Variants in MAGT1 observed in about 807,000 individuals in gnomAD.
MAGT1 encodes magnesium transporter 1.
MAGT1 carries 4 observed loss-of-function variants against 28.4 expected under a neutral mutation model. The ratio of observed to expected loss-of-function variants is 0.14; its 90% CI spans 0.07 to 0.32. The LOEUF (loss-of-function observed/expected upper bound fraction) is 0.32. MAGT1 is among the 10% of genes least tolerant of loss of function. The probability of loss-of-function intolerance (pLI) is 1.00; values close to 1 mark genes in which losing one functional copy is unlikely to be tolerated. For synonymous variants in MAGT1, 89 were observed against 89.7 expected (o/e 0.99, Z 0.04); for missense variants, 193 against 264.5 (o/e 0.73, Z 1.88).
At chrX:77,843,809 A>G (rs962429561) in intron 7 of MAGT1, among the ~76,000 whole-genome samples, 8 of 111,763 alleles carry the variant, frequency 7.2e-5, no homozygotes, top group Non-Finnish European at 1.5e-4. Flanking sequence ...AACATTAGGT[A>G]TATCTCCTAA....
At chrX:77,865,485 G>A (rs1471099773) in intron 3 of MAGT1, among the ~76,000 whole-genome samples, 1 of 107,959 alleles carries the variant, frequency 9.3e-6, no homozygotes, top group Non-Finnish European at 1.9e-5. Flanking sequence ...TGTAGAGACA[G>A]GGTTTCACCG....
chrX:77,861,535 ATTCTAC>A (rs781820504), intron 3 of MAGT1, among the ~76,000 whole-genome samples: 2 of 112,226 alleles, frequency 1.8e-5, no homozygotes, highest in South Asian at 3.7e-4. Flanking sequence ...TGATCTAGCA[ATTCTAC>A]TTCTAAGTAT....
chrX:77,856,895 CATGTT>C, intron 4 of MAGT1, 22 bp from the exon 5 acceptor site: 1 of 1,173,666 alleles, frequency 8.5e-7, no homozygotes, highest in Non-Finnish European at 1.2e-6. Context: ...GAGAGAAAAA[CATGTT>C]AAAGTATAAA....
intron 1 of MAGT1, among the ~76,000 whole-genome samples, chrX:77,878,313 GA>G (rs1482571747): frequency 1.7e-5 from 1 of 60,093 alleles, no homozygotes; most frequent in African/African-American, 6.2e-5. Flanking sequence ...AAAAAAAAAA[GA>G]AAAAAAAATT....
chrX:77,854,481 T>G (rs1434042137), intron 6 of MAGT1, among the ~76,000 whole-genome samples: 1 of 111,667 alleles, frequency 9.0e-6, no homozygotes. Flanking sequence ...ACAGAATATG[T>G]CAGAAAACTA....
At chrX:77,865,275 T>C (rs1254940633) in intron 3 of MAGT1, among the ~76,000 whole-genome samples, 2 of 111,246 alleles carry the variant, frequency 1.8e-5, no homozygotes, top group East Asian at 2.8e-4. Flanking sequence ...AAGTAGTAAC[T>C]ATATTCTTTT....
chrX:77,857,723 G>A (rs782710569), intron 3 of MAGT1, among the ~76,000 whole-genome samples: 1 of 111,149 alleles, frequency 9.0e-6, no homozygotes, highest in South Asian at 3.8e-4. Flanking sequence ...CACATTCCTC[G>A]CTAAGAAACC....
At position 77,826,898 on chromosome X, in the gene MAGT1, A is replaced by G. The variant is rs995513854; in HGVS notation, c.*2322T>C. 7.2e-5 allele frequency: 8 copies of G among 111,808 alleles called. No individual in the cohort carries two copies. The highest frequency in any genetic ancestry group is 1.9e-4 in the Admixed American group (2 of 10,380). The allele number at this position is 111,808 out of a possible 1,213,427, so 9.2% of individuals were successfully genotyped here. A position where few individuals can be genotyped will look rare whatever the true frequency, so the allele number is the denominator to read the frequency against. On this transcript the variant is annotated 3_prime_UTR_variant, in exon 10 of 10. Coordinates refer to ENST00000618282, the MANE Select transcript of MAGT1 (RefSeq NM_001367916.1). Reference sequence around the variant, plus strand: ...TAACAAAAACTGGCTGCTCCATTAAAAAGTAAAAGGTCAACCATATCCCCT... The same window carrying G: ...TAACAAAAACTGGCTGCTCCATTAAGAAGTAAAAGGTCAACCATATCCCCT...
At chrX:77,840,964 T>A (rs1360419685) in intron 8 of MAGT1, among the ~76,000 whole-genome samples, 5 of 112,166 alleles carry the variant, frequency 4.5e-5, no homozygotes, top group African/African-American at 1.6e-4. Flanking sequence ...ATACAGTTTT[T>A]AAGGTTTTTA....
chrX:77,883,842 C>G (rs969885513), intron 1 of MAGT1, among the ~76,000 whole-genome samples: 1 of 110,357 alleles, frequency 9.1e-6, no homozygotes, highest in African/African-American at 3.3e-5. Context: ...CTTGCCCCGA[C>G]TGGGTTCATT....
At chrX:77,890,948 T>G (rs1186565278) in intron 1 of MAGT1, among the ~76,000 whole-genome samples, 1 of 111,445 alleles carries the variant, frequency 9.0e-6, no homozygotes, top group Non-Finnish European at 1.9e-5. Context: ...TGATGACCAT[T>G]TTTATTATGC....
chrX:77,894,065 T>C (rs1000301615), intron 1 of MAGT1, among the ~76,000 whole-genome samples: 12 of 112,057 alleles, frequency 1.1e-4, no homozygotes, highest in Non-Finnish European at 2.3e-4. Context: ...TCTCTATACA[T>C]ACACATATAC....
chrX:77,870,696 A>G, intron 3 of MAGT1, 112 bp downstream of exon 3: 1 of 557,531 alleles, frequency 1.8e-6, no homozygotes, highest in Non-Finnish European at 3.1e-6. Context: ...GCTACTCTAG[A>G]TCTTACATAA....
Position 77,830,865 on chromosome X carries a change from A to C in MAGT1, c.932T>G (p.Val311Gly), listed in dbSNP as rs145245774. 1.1e-3 allele frequency: 1,264 copies of C among 1,157,504 alleles called. 1 individual carries two copies. Among genetic ancestry groups the C allele is most frequent in the Non-Finnish European group, 1.0e-3 (900 of 861,325 alleles). ...AGAGAGCATCCAACTGAAGAATAAT[A>C]CAACAAGTCCAATACCAGCCACACA... Reference protein sequence around the residue: ...IMCVAGIGLVVLFFSWMLSIF... With the variant: ...IMCVAGIGLVGLFFSWMLSIF... Residue 311 changes from valine (V) to glycine (G), a missense_variant, in exon 9 of 10, where the codon GTA becomes GGA. Val to Gly is a moderately radical substitution (Grantham distance 109). Coordinates refer to ENST00000618282, the MANE Select transcript of MAGT1 (RefSeq NM_001367916.1).
chrX:77,843,096 T>C (rs782350795), intron 7 of MAGT1, among the ~76,000 whole-genome samples: 109 of 112,546 alleles, frequency 9.7e-4, no homozygotes, highest in Non-Finnish European at 1.7e-3. Context: ...TACATACATG[T>C]TGTATGCTAC....
At chrX:77,836,590 G>A (rs2076919187) in intron 8 of MAGT1, among the ~76,000 whole-genome samples, 1 of 112,079 alleles carries the variant, frequency 8.9e-6, no homozygotes, top group Admixed American at 9.6e-5. Flanking sequence ...AGACAAGTTA[G>A]CCTTTTATTC....
chrX:77,875,332 T>A (rs2077030560), intron 2 of MAGT1, 96 bp downstream of exon 2: 3 of 798,454 alleles, frequency 3.8e-6, no homozygotes, highest in Non-Finnish European at 5.7e-6. Flanking sequence ...TACACATTAT[T>A]TAAGTACCTA....
chrX:77,858,418 T>C (rs1185637760), intron 3 of MAGT1, among the ~76,000 whole-genome samples: 1 of 111,239 alleles, frequency 9.0e-6, no homozygotes, highest in Non-Finnish European at 1.9e-5. Flanking sequence ...CTTGAACTCC[T>C]GACTGCAAAT....
At chrX:77,846,678 T>C (rs781859073) in intron 7 of MAGT1, among the ~76,000 whole-genome samples, 6 of 112,244 alleles carry the variant, frequency 5.3e-5, no homozygotes, top group Non-Finnish European at 9.4e-5. Flanking sequence ...GCAGGTCTGT[T>C]GGAGTTTGCT....
Sources: allele counts gnomAD v4.1 joint callset (sites outside exome capture counted in the v4.1 genomes callset), GRCh38; gene constraint gnomAD v4.1.1; transcripts MANE v1.5; gene names NCBI Gene and HGNC (gene_info 2026-07-23, HGNC 2026-07-21).